The following SKP1 variants were observed in gnomAD, a reference collection of about 807,000 sequenced individuals.
The protein encoded by SKP1 is S-phase kinase-associated protein 1.
In SKP1, 1 loss-of-function variant was observed where a neutral mutation model predicts 21.5. The observed-to-expected ratio is 0.05, with a 90% CI of 0.02 to 0.22. The LOEUF (loss-of-function observed/expected upper bound fraction) is 0.22. Ranked by LOEUF, SKP1 falls within the 10% of genes least tolerant of loss-of-function variation. The probability of loss-of-function intolerance (pLI) is 1.00; values close to 1 mark genes in which losing one functional copy is unlikely to be tolerated. For synonymous variants in SKP1, 59 were observed against 59.3 expected (o/e 0.99, Z 0.03); for missense variants, 70 against 192.0 (o/e 0.36, Z 3.76).
chr5:134,166,599 AAAAAAAAG>A (rs1299644166), intron 3 of SKP1, among the ~76,000 whole-genome samples: 2 of 151,344 alleles, frequency 1.3e-5, no homozygotes, highest in African/African-American at 4.9e-5. Context: ...AAAAAAAAAA[AAAAAAAAG>A]AATGTGGGAA....
intron 2 of SKP1, chr5:134,173,440 G>T: frequency 7.7e-6 from 2 of 259,110 alleles, no homozygotes; most frequent in Non-Finnish European, 1.5e-5. Flanking sequence ...GCAGTGAGCC[G>T]TGACTGCATC....
chr5:134,176,025 G>A (rs1297927226), intron 1 of SKP1, among the ~76,000 whole-genome samples: 1 of 152,156 alleles, frequency 6.6e-6, no homozygotes, highest in African/African-American at 2.4e-5. Flanking sequence ...CTATGAAACG[G>A]ATACATTCTA....
chr5:134,157,603 T>C lies in SKP1; in HGVS notation c.*130A>G. Reference sequence around the variant, plus strand: ...CAAACTACACATGCAATGAGGACAATATTCTGCTAATACAATTGACTTGCT... The same window carrying C: ...CAAACTACACATGCAATGAGGACAACATTCTGCTAATACAATTGACTTGCT... On this transcript the variant is annotated 3_prime_UTR_variant, in exon 6 of 6. Transcript: ENST00000353411. 1.2e-6 allele frequency: 1 copy of C among 820,998 alleles called. No homozygotes were observed. Among genetic ancestry groups the C allele is most frequent in the Non-Finnish European group, 2.1e-6 (1 of 472,978 alleles). 50.9% of individuals were successfully genotyped at this position (820,998 alleles called of 1,614,324 possible).
rs1761052476 is a variant in SKP1, at chr5:134,152,074, G to A, written c.*5659C>T. 6.5e-6 allele frequency: 1 copy of A among 154,342 alleles called. No individual in the cohort carries two copies. Among genetic ancestry groups the A allele is most frequent in the Non-Finnish European group, 1.4e-5 (1 of 69,402 alleles). 9.6% of individuals were successfully genotyped at this position (154,342 alleles called of 1,614,324 possible). On this transcript the variant is annotated 3_prime_UTR_variant, in exon 6 of 6. Transcript: ENST00000353411. ...GCCAGTTCTCTTACTCATTCTCTGTGACCACTGGAGGTAGTGATTTTTAAC... is the reference window on the plus strand; with the variant it reads ...GCCAGTTCTCTTACTCATTCTCTGTAACCACTGGAGGTAGTGATTTTTAAC...
At position 134,173,912 on chromosome 5, in the gene SKP1, TCCAATGAAC is replaced by T. The variant is rs1191687055; in HGVS notation, c.97+5_97+13del. On this transcript the variant is annotated splice_donor_5th_base_variant and intron_variant, in intron 2 of 5. Coordinates refer to ENST00000353411, the MANE Select transcript of SKP1 (RefSeq NM_170679.3). ...TACACATTTCCTCCCACCCAGGTTTTCCAATGAACTTACCTTCCAACATGGTCTTAATAG... is the reference window on the plus strand; with the variant it reads ...TACACATTTCCTCCCACCCAGGTTTTTTACCTTCCAACATGGTCTTAATAG... 1 of 1,464,020 alleles carries T rather than the reference TCCAATGAAC, an allele frequency of 6.8e-7. No homozygotes were observed. Among genetic ancestry groups the T allele is most frequent in the African/African-American group, 1.4e-5 (1 of 72,248 alleles). The allele number at this position is 1,464,020 out of a possible 1,614,324, so 90.7% of individuals were successfully genotyped here.
At chr5:134,170,629 A>G (rs1171995612) in intron 2 of SKP1, among the ~76,000 whole-genome samples, 2 of 152,270 alleles carry the variant, frequency 1.3e-5, no homozygotes, top group African/African-American at 4.8e-5. Context: ...CCAGCCCTCA[A>G]GAGGCTAGAA....
At chr5:134,169,074 GGT>G (rs368423701) in intron 2 of SKP1, among the ~76,000 whole-genome samples, 92 of 152,192 alleles carry the variant, frequency 6.0e-4, no homozygotes, top group African/African-American at 2.1e-3. Context: ...AAGACAGAAG[GGT>G]GTGAGGTAAG....
chr5:134,167,784 A>G (rs1203405273), intron 2 of SKP1, among the ~76,000 whole-genome samples: 2 of 152,184 alleles, frequency 1.3e-5, no homozygotes, highest in South Asian at 2.1e-4. Context: ...TCAGCCTCCC[A>G]AAGTGCTGGG....
At chr5:134,171,476 C>T (rs1347206093) in intron 2 of SKP1, among the ~76,000 whole-genome samples, 1 of 152,208 alleles carries the variant, frequency 6.6e-6, no homozygotes, top group Non-Finnish European at 1.5e-5. Context: ...AACAAGTCTA[C>T]TTATCTCTAG....
intron 2 of SKP1, among the ~76,000 whole-genome samples, chr5:134,170,000 C>CAAA (rs1312695127): frequency 2.6e-5 from 2 of 76,910 alleles, no homozygotes; most frequent in Non-Finnish European, 2.6e-5. Context: ...GACTCCATCT[C>CAAA]AAAAAAAAAA....
intron 2 of SKP1, among the ~76,000 whole-genome samples, chr5:134,168,769 G>A (rs1039031717): frequency 2.0e-5 from 3 of 152,110 alleles, no homozygotes; most frequent in African/African-American, 7.2e-5. Context: ...TTTATGGCAT[G>A]AAAAGGATGA....
At chr5:134,168,151 T>C (rs10063546) in intron 2 of SKP1, among the ~76,000 whole-genome samples, 7,223 of 152,228 alleles carry the variant, frequency 0.047, 487 homozygotes, top group African/African-American at 0.15. Context: ...TCTTAATTGG[T>C]AGGAAAAGTG....
chr5:134,159,769 G>C (rs1011752836), intron 4 of SKP1, among the ~76,000 whole-genome samples: 2 of 151,968 alleles, frequency 1.3e-5, no homozygotes, highest in South Asian at 2.1e-4. Flanking sequence ...GGATGGTCTC[G>C]ATTTCCTGAC....
At chr5:134,172,015 G>C (rs942514855) in intron 2 of SKP1, among the ~76,000 whole-genome samples, 10 of 152,224 alleles carry the variant, frequency 6.6e-5, no homozygotes, top group African/African-American at 2.4e-4. Flanking sequence ...CTGCACACCA[G>C]GCTGGGCAAC....
intron 3 of SKP1, among the ~76,000 whole-genome samples, chr5:134,163,715 G>A (rs997783923): frequency 5.3e-5 from 8 of 152,004 alleles, no homozygotes; most frequent in Admixed American, 1.3e-4. Flanking sequence ...ACCTGAACCC[G>A]GGAGGTAGAA....
intron 2 of SKP1, chr5:134,173,629 T>C (rs1761485994): frequency 6.4e-6 from 3 of 468,088 alleles, no homozygotes; most frequent in South Asian, 3.4e-5. Flanking sequence ...CTGGAACTTA[T>C]GAATTCAAAT....
chr5:134,165,057 A>G (rs1463795553), intron 3 of SKP1, among the ~76,000 whole-genome samples: 2 of 123,694 alleles, frequency 1.6e-5, no homozygotes, highest in Admixed American at 8.1e-5. Context: ...AGGGTGTACC[A>G]ATTTTTTTTT....
At chr5:134,171,071 T>C (rs902311118) in intron 2 of SKP1, 1 of 454,980 alleles carries the variant, frequency 2.2e-6, no homozygotes, top group Non-Finnish European at 4.4e-6. Context: ...TACAACTTAA[T>C]AGAAGTTATC....
At chr5:134,176,354 C>T (rs1213932297) in intron 1 of SKP1, among the ~76,000 whole-genome samples, 2 of 152,164 alleles carry the variant, frequency 1.3e-5, no homozygotes, top group Non-Finnish European at 2.9e-5. Flanking sequence ...AGGATGGGAG[C>T]CAAGAACCGG....
Sources: allele counts gnomAD v4.1 joint callset (sites outside exome capture counted in the v4.1 genomes callset), GRCh38; gene constraint gnomAD v4.1.1; transcripts MANE v1.5; gene names NCBI Gene and HGNC (gene_info 2026-07-23, HGNC 2026-07-21).